The following FNDC3A variants were observed in gnomAD, a reference collection of about 807,000 sequenced individuals.
The protein encoded by FNDC3A is fibronectin type-III domain-containing protein 3A.
In FNDC3A, 32 loss-of-function variants were observed where a neutral mutation model predicts 148.9. The ratio of observed to expected loss-of-function variants is 0.21; its 90% CI spans 0.16 to 0.29. FNDC3A has a LOEUF of 0.29. FNDC3A is among the 10% of genes least tolerant of loss of function. FNDC3A has a pLI of 1.00. For missense variants in FNDC3A, 1,191 were observed against 1,452.8 expected, an observed-to-expected ratio of 0.82 and a Z score of 2.93; for synonymous variants, 472 against 473.6, an observed-to-expected ratio of 1.00 and a Z score of 0.04.
chr13:49,096,858 T>A (rs1879558401), intron 3 of FNDC3A, among the ~76,000 whole-genome samples: 1 of 152,018 alleles, frequency 6.6e-6, no homozygotes, highest in Non-Finnish European at 1.5e-5. Context: ...AGTCATTGAG[T>A]GCTTAGGAAA....
At chr13:49,073,660 T>C (rs1877857126) in intron 2 of FNDC3A, among the ~76,000 whole-genome samples, 4 of 148,292 alleles carry the variant, frequency 2.7e-5, no homozygotes, top group Admixed American at 6.8e-5. Context: ...TCATTTCATA[T>C]GTATATATAT....
chr13:49,123,391 A>G (rs1406374632), intron 4 of FNDC3A, among the ~76,000 whole-genome samples: 1 of 152,176 alleles, frequency 6.6e-6, no homozygotes, highest in Non-Finnish European at 1.5e-5. Flanking sequence ...AAACCGTAAA[A>G]ACCCTAGAGG....
At chr13:49,073,268 A>G (rs923020373) in intron 2 of FNDC3A, among the ~76,000 whole-genome samples, 1 of 152,220 alleles carries the variant, frequency 6.6e-6, no homozygotes, top group African/African-American at 2.4e-5. Context: ...TTAATATGCA[A>G]AGGGTTCATA....
chr13:49,128,805 C>T (rs1881859321), intron 4 of FNDC3A, among the ~76,000 whole-genome samples: 1 of 152,210 alleles, frequency 6.6e-6, no homozygotes, highest in Admixed American at 6.5e-5. Flanking sequence ...CCCACTTCTA[C>T]CTTAGGGGCT....
intron 3 of FNDC3A, among the ~76,000 whole-genome samples, chr13:49,090,853 G>T: frequency 6.6e-6 from 1 of 152,098 alleles, no homozygotes; most frequent in Non-Finnish European, 1.5e-5. Context: ...TAAAAATTAG[G>T]CATGGTGGTG....
intron 3 of FNDC3A, among the ~76,000 whole-genome samples, chr13:49,091,000 G>T (rs560748865): frequency 6.6e-6 from 1 of 152,098 alleles, no homozygotes; most frequent in African/African-American, 2.4e-5. Flanking sequence ...TCTCAAATCT[G>T]CTTTTACAGG....
At chr13:49,176,203 A>G (rs1885023481) in intron 13 of FNDC3A, among the ~76,000 whole-genome samples, 1 of 152,206 alleles carries the variant, frequency 6.6e-6, no homozygotes, top group Admixed American at 6.5e-5. Context: ...TGCTGGCCTC[A>G]TAAAATGAGT....
rs891528378 is a variant in FNDC3A, at chr13:49,209,633, C to T, written c.*2238C>T. On this transcript the variant is annotated 3_prime_UTR_variant, in exon 26 of 26. Coordinates refer to ENST00000492622, the MANE Select transcript of FNDC3A (RefSeq NM_001079673.2). ...ATTCATATATATTCATTATTTGCTA[C>T]CTGTTTAAGAAAGTGAAATGTTATG... 2 of 152,486 alleles carry T rather than the reference C, an allele frequency of 1.3e-5. No individual in the cohort carries two copies. The highest frequency in any genetic ancestry group is 4.8e-5 in the African/African-American group (2 of 41,402). 9.4% of individuals were successfully genotyped at this position (152,486 alleles called of 1,614,324 possible).
At chr13:49,117,481 T>C (rs181944556) in intron 4 of FNDC3A, among the ~76,000 whole-genome samples, 50 of 152,326 alleles carry the variant, frequency 3.3e-4, no homozygotes, top group African/African-American at 1.0e-3. Context: ...CCTACCTAGA[T>C]CATGTTATTG....
At chr13:49,196,002 A>G (rs969131790) in intron 19 of FNDC3A, among the ~76,000 whole-genome samples, 3 of 150,868 alleles carry the variant, frequency 2.0e-5, no homozygotes, top group African/African-American at 7.3e-5. Flanking sequence ...TGAGCCCAGG[A>G]AGTCGAGGGT....
At chr13:49,001,377 A>G (rs1343632270) in intron 1 of FNDC3A, among the ~76,000 whole-genome samples, 4 of 152,128 alleles carry the variant, frequency 2.6e-5, no homozygotes, top group Non-Finnish European at 2.9e-5. Context: ...TAACTGCACA[A>G]ATTGTTTGTA....
At chr13:49,113,203 C>T (rs1044991427) in intron 3 of FNDC3A, among the ~76,000 whole-genome samples, 5 of 151,192 alleles carry the variant, frequency 3.3e-5, no homozygotes, top group Non-Finnish European at 7.4e-5. Context: ...TCTTCTCTTA[C>T]CTCTCGCCTC....
Position 49,056,463 on chromosome 13 carries a change from T to G in FNDC3A, c.100-18826T>G, listed in dbSNP as rs191975503. On this transcript the variant is annotated intron_variant, in intron 2 of 25. Transcript: ENST00000492622. ...ATTTCTTTATTCATCTAGAGACTTG[T>G]GCTTCCTGATTTTGAGAATTCATGT... Among the ~76,000 whole-genome samples the G allele has an allele frequency of 3.7e-3, 562 of 152,336 alleles. 2 individuals are homozygous for G. The highest frequency in any genetic ancestry group is 0.013 in the African/African-American group (531 of 41,568).
intron 3 of FNDC3A, among the ~76,000 whole-genome samples, chr13:49,105,099 C>T (rs1482735987): frequency 6.6e-6 from 1 of 152,112 alleles, no homozygotes; most frequent in Non-Finnish European, 1.5e-5. Flanking sequence ...TTAAAAAAGA[C>T]TACCCAGTAG....
intron 1 of FNDC3A, among the ~76,000 whole-genome samples, chr13:49,000,344 C>G (rs1225115462): frequency 6.6e-6 from 1 of 152,128 alleles, no homozygotes; most frequent in Non-Finnish European, 1.5e-5. Flanking sequence ...CTGTCCTTTC[C>G]TCATTGAATG....
chr13:49,047,682 T>C (rs1320952667), intron 2 of FNDC3A, among the ~76,000 whole-genome samples: 1 of 152,242 alleles, frequency 6.6e-6, no homozygotes, highest in Non-Finnish European at 1.5e-5. Context: ...CTTTGTAGAT[T>C]CTGGATATAG....
intron 6 of FNDC3A, among the ~76,000 whole-genome samples, chr13:49,137,983 A>T (rs181885273): frequency 1.3e-5 from 2 of 152,224 alleles, no homozygotes; most frequent in East Asian, 3.9e-4. Flanking sequence ...AATAACCACA[A>T]CTCTATCAGT....
chr13:48,982,849 T>A (rs934264015), intron 1 of FNDC3A, among the ~76,000 whole-genome samples: 1 of 152,200 alleles, frequency 6.6e-6, no homozygotes, highest in South Asian at 2.1e-4. Context: ...CTACTTTACC[T>A]GTATGAGCCT....
intron 3 of FNDC3A, among the ~76,000 whole-genome samples, chr13:49,078,403 A>G (rs767251351): frequency 3.9e-5 from 6 of 152,232 alleles, no homozygotes; most frequent in Non-Finnish European, 7.3e-5. Context: ...TTAGGCAGGG[A>G]CACATTTCTC....
Sources: gnomAD v4.1 joint callset for allele counts (sites outside exome capture counted in the v4.1 genomes callset) on GRCh38, gnomAD v4.1.1 for gene constraint, MANE v1.5 for transcripts, NCBI Gene and HGNC (gene_info 2026-07-23, HGNC 2026-07-21) for gene names.